The following ARMC2 variants were observed in gnomAD, a reference collection of about 807,000 sequenced individuals.
The protein encoded by ARMC2 is armadillo repeat containing 2.
ARMC2 carries 67 observed loss-of-function variants against 90.3 expected under a neutral mutation model. The ratio of observed to expected loss-of-function variants is 0.74; its 90% CI spans 0.61 to 0.91. ARMC2 has a LOEUF of 0.91. Ranked by LOEUF, ARMC2 falls within the 40% of genes least tolerant of loss-of-function variation. The pLI, the probability that ARMC2 is intolerant of heterozygous loss-of-function variation, is 0.00. For synonymous variants in ARMC2, 393 were observed against 393.0 expected (o/e 1.00, Z 0.00); for missense variants, 920 against 1,030.9 (o/e 0.89, Z 1.47).
chr6:108,863,042 G>C (rs1362691175), intron 3 of ARMC2, among the ~76,000 whole-genome samples: 8 of 152,228 alleles, frequency 5.3e-5, no homozygotes, highest in Non-Finnish European at 1.0e-4. Context: ...AGGAAGAGCT[G>C]ACGCTTGTGG....
At chr6:108,927,481 GT>G (rs1046025592) in intron 10 of ARMC2, among the ~76,000 whole-genome samples, 17 of 152,208 alleles carry the variant, frequency 1.1e-4, no homozygotes, top group African/African-American at 3.6e-4. Context: ...AACAACATTA[GT>G]TTTATGATTT....
At chr6:108,964,109 C>T (rs550443031) in intron 15 of ARMC2, 71 bp from the exon 16 acceptor site, 12 of 1,543,050 alleles carry the variant, frequency 7.8e-6, no homozygotes, top group South Asian at 6.2e-5. Context: ...TTCCCCATAC[C>T]ATCTGTAAAA....
the ARMC2 span, among the ~76,000 whole-genome samples, chr6:108,991,593 C>T: frequency 6.6e-6 from 1 of 152,194 alleles, no homozygotes; most frequent in African/African-American, 2.4e-5. Flanking sequence ...CCTTCTCCTA[C>T]CTGCACTTCT....
downstream of ARMC2, among the ~76,000 whole-genome samples, chr6:108,975,678 C>T (rs984978231): frequency 3.9e-5 from 6 of 152,262 alleles, no homozygotes; most frequent in Admixed American, 1.3e-4. Context: ...TGTTTCCTGA[C>T]TTTTAATGAT....
chr6:108,925,738 G>T (rs1775046613), intron 10 of ARMC2, among the ~76,000 whole-genome samples: 1 of 152,142 alleles, frequency 6.6e-6, no homozygotes, highest in Non-Finnish European at 1.5e-5. Context: ...AGCTATTGCT[G>T]TGTATTTTTC....
At chr6:108,980,249 C>G in the ARMC2 span, among the ~76,000 whole-genome samples, 1 of 152,184 alleles carries the variant, frequency 6.6e-6, no homozygotes, top group African/African-American at 2.4e-5. Flanking sequence ...ACAGGCCCCT[C>G]TGCTGCAGTT....
chr6:109,028,842 C>T, the ARMC2 span, among the ~76,000 whole-genome samples: 1 of 152,084 alleles, frequency 6.6e-6, no homozygotes, highest in Non-Finnish European at 1.5e-5. Flanking sequence ...AAAGAACAAC[C>T]CCCAAACTTT....
intron 17 of ARMC2, among the ~76,000 whole-genome samples, chr6:108,967,383 C>T (rs775974107): frequency 2.6e-5 from 4 of 152,136 alleles, no homozygotes; most frequent in South Asian, 2.1e-4. Context: ...GGTGGGGCTG[C>T]GGGGCCGGGG....
chr6:109,009,550 G>C, the ARMC2 span: 9 of 995,466 alleles, frequency 9.0e-6, no homozygotes, highest in Non-Finnish European at 1.0e-5. Flanking sequence ...AGTCAGCACG[G>C]ACGGCGGGGG....
chr6:108,983,358 A>G, the ARMC2 span, among the ~76,000 whole-genome samples: 13 of 152,258 alleles, frequency 8.5e-5, no homozygotes, highest in East Asian at 5.8e-4. Context: ...GCCAAATCCA[A>G]TGTTGTGAAA....
At chr6:109,035,456 T>C in the ARMC2 span, among the ~76,000 whole-genome samples, 2 of 151,152 alleles carry the variant, frequency 1.3e-5, no homozygotes, top group African/African-American at 4.9e-5. Flanking sequence ...ACATATGGAG[T>C]AGGTAGGAAG....
the ARMC2 span, among the ~76,000 whole-genome samples, chr6:108,992,383 C>T: frequency 4.6e-5 from 7 of 152,154 alleles, no homozygotes; most frequent in Admixed American, 2.0e-4. Context: ...TCCCAAGGTG[C>T]TGGGATCACA....
At chr6:108,994,653 A>G in the ARMC2 span, 1 of 1,469,146 alleles carries the variant, frequency 6.8e-7, no homozygotes, top group Non-Finnish European at 9.2e-7. Context: ...CAGACATAGA[A>G]TATATATGAA....
chr6:108,881,525 C>T (rs1025036376), intron 5 of ARMC2, among the ~76,000 whole-genome samples: 2 of 152,130 alleles, frequency 1.3e-5, no homozygotes, highest in Middle Eastern at 6.8e-3. Context: ...TCTTTTAATT[C>T]AGAAAGATGT....
chr6:108,938,436 A>G (rs966106256), intron 12 of ARMC2, among the ~76,000 whole-genome samples: 16 of 148,416 alleles, frequency 1.1e-4, no homozygotes, highest in Non-Finnish European at 2.1e-4. Context: ...TTTTTTTGGT[A>G]GAGACAGGGT....
intron 10 of ARMC2, among the ~76,000 whole-genome samples, chr6:108,916,852 T>C (rs886566819): frequency 1.3e-5 from 2 of 152,172 alleles, no homozygotes; most frequent in Admixed American, 6.5e-5. Context: ...TGTTGTGCCC[T>C]TTCCTGGAGA....
At chr6:108,954,108 C>A (rs1449038325) in intron 13 of ARMC2, among the ~76,000 whole-genome samples, 1 of 152,192 alleles carries the variant, frequency 6.6e-6, no homozygotes, top group Non-Finnish European at 1.5e-5. Context: ...CCAATCCTAT[C>A]ATATTAGGAC....
rs966116329 is a variant in ARMC2, at chr6:108,858,382, T to G, written c.291+111T>G. The G allele has an allele frequency of 4.9e-6, 3 of 607,214 alleles. No homozygotes were observed. In the East Asian group the frequency reaches 9.3e-5, roughly 19 times the overall value. The allele number at this position is 607,214 out of a possible 1,614,324, so 37.6% of individuals were successfully genotyped here. A position where few individuals can be genotyped will look rare whatever the true frequency, so the allele number is the denominator to read the frequency against. ...TGCTATGATAATTATCATGTACACC[T>G]AAATAGACTAATAATTTAATATGAA... is the stretch of plus-strand genomic sequence containing the variant. On this transcript the variant is annotated intron_variant, in intron 3 of 17. Coordinates refer to ENST00000392644, the MANE Select transcript of ARMC2 (RefSeq NM_032131.6).
At chr6:108,921,502 G>A (rs1453303334) in intron 10 of ARMC2, among the ~76,000 whole-genome samples, 1 of 138,570 alleles carries the variant, frequency 7.2e-6, no homozygotes, top group African/African-American at 2.4e-5. Flanking sequence ...TCCAAGAAAA[G>A]CTTAGACATG....
Sources: allele counts gnomAD v4.1 joint callset (sites outside exome capture counted in the v4.1 genomes callset), GRCh38; gene constraint gnomAD v4.1.1; transcripts MANE v1.5; gene names NCBI Gene and HGNC (gene_info 2026-07-23, HGNC 2026-07-21).